Variants in HEMK2 observed in about 807,000 individuals in gnomAD.
The protein encoded by HEMK2 is HemK methyltransferase 2, ETF1 glutamine and histone H4 lysine.
the HEMK2 span, among the ~76,000 whole-genome samples, chr21:28,669,290 C>A: frequency 8.0e-5 from 12 of 150,732 alleles, no homozygotes; most frequent in Admixed American, 5.3e-4. Flanking sequence ...ACCCAAGAGG[C>A]GGGGGCTGCA....
chr21:28,875,019 C>G, the HEMK2 span: 5 of 152,274 alleles, frequency 3.3e-5, no homozygotes, highest in African/African-American at 1.2e-4. Flanking sequence ...TCATACAGAA[C>G]ACTCTGTAAA....
At chr21:28,883,150 C>A in the HEMK2 span, 1 of 930,722 alleles carries the variant, frequency 1.1e-6, no homozygotes, top group Non-Finnish European at 1.6e-6. Context: ...AGTGTTATTT[C>A]TAGCATATAT....
At chr21:28,733,165 G>A in the HEMK2 span, among the ~76,000 whole-genome samples, 2 of 152,128 alleles carry the variant, frequency 1.3e-5, no homozygotes, top group African/African-American at 4.8e-5. Context: ...TAGAGTCCCA[G>A]CTACTCGGGA....
the HEMK2 span, among the ~76,000 whole-genome samples, chr21:28,611,518 T>C: frequency 6.6e-6 from 1 of 151,908 alleles, no homozygotes; most frequent in Non-Finnish European, 1.5e-5. Flanking sequence ...TATACAACCA[T>C]GCAAGAGTAA....
chr21:28,724,286 T>C, the HEMK2 span, among the ~76,000 whole-genome samples: 1 of 152,266 alleles, frequency 6.6e-6, no homozygotes, highest in Non-Finnish European at 1.5e-5. Context: ...ACCTCTGTTT[T>C]AAACACTTCT....
the HEMK2 span, chr21:28,876,540 G>T: frequency 8.4e-7 from 1 of 1,193,610 alleles, no homozygotes; most frequent in Non-Finnish European, 1.2e-6. Flanking sequence ...TTGGTAGTGT[G>T]CATGATCAAT....
chr21:28,671,367 T>A, the HEMK2 span: 2 of 152,176 alleles, frequency 1.3e-5, no homozygotes, highest in Admixed American at 6.5e-5. Flanking sequence ...TGGGCCCTAA[T>A]CATGAGAGGA....
chr21:28,759,399 C>T, the HEMK2 span, among the ~76,000 whole-genome samples: 1 of 152,162 alleles, frequency 6.6e-6, no homozygotes, highest in Non-Finnish European at 1.5e-5. Context: ...ATGCCTGTAC[C>T]CCCACTGTCT....
chr21:28,809,968 T>A, the HEMK2 span, among the ~76,000 whole-genome samples: 1 of 152,272 alleles, frequency 6.6e-6, no homozygotes, highest in East Asian at 1.9e-4. Flanking sequence ...TGCCTTACTC[T>A]GCTATATAAT....
chr21:28,860,338 G>A, the HEMK2 span, among the ~76,000 whole-genome samples: 2 of 151,936 alleles, frequency 1.3e-5, no homozygotes, highest in African/African-American at 4.8e-5. Flanking sequence ...TGGACTCCAC[G>A]TTCTTCAGTT....
the HEMK2 span, among the ~76,000 whole-genome samples, chr21:28,582,182 G>A: frequency 2.6e-5 from 4 of 152,090 alleles, no homozygotes; most frequent in Non-Finnish European, 4.4e-5. Context: ...TTTCTGTTTG[G>A]GGACCACTCA....
chr21:28,582,356 C>G, the HEMK2 span, among the ~76,000 whole-genome samples: 1 of 152,140 alleles, frequency 6.6e-6, no homozygotes, highest in African/African-American at 2.4e-5. Flanking sequence ...AGATGGTAAG[C>G]TTTCCAAGGC....
chr21:28,779,126 T>C, the HEMK2 span, among the ~76,000 whole-genome samples: 70,207 of 152,040 alleles, frequency 0.46, 19,122 homozygotes, highest in East Asian at 0.78. Flanking sequence ...TTCAAAGGAA[T>C]GGAAATCAGT....
At chr21:28,759,733 T>C in the HEMK2 span, among the ~76,000 whole-genome samples, 3 of 152,186 alleles carry the variant, frequency 2.0e-5, no homozygotes, top group African/African-American at 4.8e-5. Flanking sequence ...TGAGATCTGA[T>C]GGTTTTGTAA....
the HEMK2 span, among the ~76,000 whole-genome samples, chr21:28,864,892 TA>T: frequency 0.18 from 21,238 of 117,622 alleles, 2,291 homozygotes; most frequent in African/African-American, 0.33. Context: ...ATATAGATGA[TA>T]GATAGATATA....
At chr21:28,603,177 T>A in the HEMK2 span, among the ~76,000 whole-genome samples, 64,956 of 152,006 alleles carry the variant, frequency 0.43, 14,573 homozygotes, top group East Asian at 0.82. Flanking sequence ...ATTAGCTTCA[T>A]CCCCATCCCT....
At chr21:28,726,380 T>A in the HEMK2 span, among the ~76,000 whole-genome samples, 4 of 152,282 alleles carry the variant, frequency 2.6e-5, no homozygotes, top group Admixed American at 1.3e-4. Context: ...GGGACTGGTC[T>A]GATTTTTCTA....
the HEMK2 span, among the ~76,000 whole-genome samples, chr21:28,797,360 C>T: frequency 6.6e-6 from 1 of 151,556 alleles, no homozygotes; most frequent in Non-Finnish European, 1.5e-5. Context: ...CTTTGGGAGG[C>T]TAAGGTGGAC....
At chr21:28,713,344 C>T in the HEMK2 span, among the ~76,000 whole-genome samples, 2 of 152,154 alleles carry the variant, frequency 1.3e-5, no homozygotes, top group Non-Finnish European at 2.9e-5. Context: ...AGCACAGAAG[C>T]TCATGTCTCT....
Sources: gnomAD v4.1 joint callset for allele counts (sites outside exome capture counted in the v4.1 genomes callset) on GRCh38, gnomAD v4.1.1 for gene constraint, MANE v1.5 for transcripts, NCBI Gene and HGNC (gene_info 2026-07-23, HGNC 2026-07-21) for gene names.